The following CDH9 variants were observed in gnomAD, a reference collection of about 807,000 sequenced individuals.
CDH9 encodes the protein cadherin-9.
Under a neutral mutation model 70.9 loss-of-function variants are expected in CDH9, and 28 were observed. The ratio of observed to expected loss-of-function variants is 0.40; its 90% confidence interval spans 0.29 to 0.54. The LOEUF (loss-of-function observed/expected upper bound fraction) is 0.54. Ranked by LOEUF, CDH9 falls within the 20% of genes least tolerant of loss-of-function variation. CDH9 has a pLI of 0.59. For synonymous variants in CDH9, 409 were observed against 343.1 expected (o/e 1.19, Z -2.12); for missense variants, 874 against 984.4 (o/e 0.89, Z 1.50).
intron 1 of CDH9, among the ~76,000 whole-genome samples, chr5:27,036,147 C>T (rs187773914): frequency 1.3e-5 from 2 of 152,002 alleles, no homozygotes; most frequent in African/African-American, 2.4e-5. Flanking sequence ...GCATCTGCCT[C>T]ATATCACTAT....
intron 2 of CDH9, among the ~76,000 whole-genome samples, chr5:26,961,398 C>T (rs1579478955): frequency 1.3e-5 from 2 of 151,998 alleles, no homozygotes; most frequent in East Asian, 1.9e-4. Context: ...CCAACATCTC[C>T]CCAATCACCC....
intron 7 of CDH9, among the ~76,000 whole-genome samples, 173 bp downstream of exon 7, chr5:26,902,303 T>C (rs151325002): frequency 1.3e-5 from 2 of 152,082 alleles, no homozygotes; most frequent in East Asian, 3.9e-4. Flanking sequence ...GTATTATTAC[T>C]GTGCTTGATT....
At chr5:27,037,755 A>G (rs1263668083) in intron 1 of CDH9, among the ~76,000 whole-genome samples, 1 of 151,976 alleles carries the variant, frequency 6.6e-6, no homozygotes, top group Non-Finnish European at 1.5e-5. Context: ...GCTTTCATCT[A>G]TCTAGTCATC....
chr5:26,942,142 G>A (rs968206689), intron 2 of CDH9, among the ~76,000 whole-genome samples: 1 of 152,176 alleles, frequency 6.6e-6, no homozygotes, highest in African/African-American at 2.4e-5. Context: ...GGTGGAAGGG[G>A]AAGCAAACAC....
At chr5:26,903,561 C>CT (rs768539244) in intron 6 of CDH9, 76 bp downstream of exon 6, 14 of 944,520 alleles carry the variant, frequency 1.5e-5, no homozygotes, top group African/African-American at 6.4e-5. Context: ...AAATCCCAGG[C>CT]TTTTTTTCCC....
chr5:26,990,048 C>T (rs1232008616), intron 1 of CDH9, among the ~76,000 whole-genome samples: 1 of 152,138 alleles, frequency 6.6e-6, no homozygotes, highest in Non-Finnish European at 1.5e-5. Context: ...TTCAGACACA[C>T]AGACTTAAAC....
chr5:26,973,957 G>A (rs143678734), intron 2 of CDH9, among the ~76,000 whole-genome samples: 1 of 152,114 alleles, frequency 6.6e-6, no homozygotes, highest in Non-Finnish European at 1.5e-5. Flanking sequence ...AGAAAAGGCT[G>A]TCTATAGCTG....
intron 2 of CDH9, among the ~76,000 whole-genome samples, chr5:26,964,668 C>T (rs1185055171): frequency 2.0e-5 from 3 of 151,956 alleles, no homozygotes; most frequent in African/African-American, 7.2e-5. Flanking sequence ...TTCTGGGGTA[C>T]ATTTGGACAA....
intron 2 of CDH9, among the ~76,000 whole-genome samples, chr5:26,950,686 A>G (rs1020990844): frequency 3.9e-5 from 6 of 152,234 alleles, no homozygotes; most frequent in African/African-American, 1.2e-4. Context: ...ATAGAAAAAG[A>G]GATCAAATAA....
In CDH9 at chr5:26,993,668, A is replaced by G. The variant is rs981844282; in HGVS notation, c.-49-5286T>C. Among the ~76,000 whole-genome samples the G allele has an allele frequency of 2.2e-5, 3 of 138,636 alleles. No individual in the cohort carries two copies. The Admixed American group carries it at 2.2e-4, about 10-fold the overall frequency. The allele number at this position is 138,636 out of a possible 152,430, so 91.0% of individuals were successfully genotyped here. On this transcript the variant is annotated intron_variant, in intron 1 of 11. Transcript: ENST00000231021. The stretch of plus-strand genomic sequence containing the variant: ...AAGGCTGGTGGATTTCTTGGATTTT[A>G]TAGGCCAGCTCCCTACAGCTATTCA...
intron 2 of CDH9, among the ~76,000 whole-genome samples, chr5:26,986,563 G>A (rs1742491208): frequency 6.6e-6 from 1 of 152,036 alleles, no homozygotes; most frequent in Non-Finnish European, 1.5e-5. Context: ...ATAAATGCTT[G>A]CTGTAGCGCC....
chr5:26,970,229 A>C (rs932429042), intron 2 of CDH9, among the ~76,000 whole-genome samples: 3 of 151,916 alleles, frequency 2.0e-5, no homozygotes, highest in Admixed American at 6.6e-5. Context: ...TGCTTTTATG[A>C]AAGTGTCACC....
intron 8 of CDH9, among the ~76,000 whole-genome samples, chr5:26,890,197 G>A (rs866136918): frequency 6.6e-6 from 1 of 151,936 alleles, no homozygotes; most frequent in African/African-American, 2.4e-5. Context: ...ATTTTTATGA[G>A]GTTAAATTAT....
At chr5:27,002,436 A>C (rs372334053) in intron 1 of CDH9, among the ~76,000 whole-genome samples, 1 of 152,002 alleles carries the variant, frequency 6.6e-6, no homozygotes, top group East Asian at 1.9e-4. Context: ...ACCCAAAGGA[A>C]TATAAATCAT....
chr5:26,926,114 A>G lies in CDH9; in HGVS notation c.229-10190T>C, dbSNP rs541157018. ...CAGGGCAATCAGGCAAGATAAATAA[A>G]TAAAGCGTATTCAATTAGGAAAAGA... On this transcript the variant is annotated intron_variant, in intron 2 of 11. Transcript: ENST00000231021. Among the ~76,000 whole-genome samples, 30 of 152,292 alleles carry G rather than the reference A, an allele frequency of 2.0e-4. No individual in the cohort carries two copies. In the South Asian group the frequency reaches 6.2e-3, roughly 32 times the overall value.
chr5:27,014,255 G>A (rs1549643), intron 1 of CDH9, among the ~76,000 whole-genome samples: 79,105 of 151,726 alleles, frequency 0.52, 22,126 homozygotes, highest in African/African-American at 0.69. Context: ...CAAGCTTTTT[G>A]AAGCACTCCT....
chr5:27,022,158 T>A (rs903356238), intron 1 of CDH9, among the ~76,000 whole-genome samples: 13 of 152,182 alleles, frequency 8.5e-5, no homozygotes, highest in Middle Eastern at 3.4e-3. Flanking sequence ...AGAATTTTTT[T>A]AATACATAAA....
chr5:26,946,338 A>T (rs540704673), intron 2 of CDH9, among the ~76,000 whole-genome samples: 5 of 152,258 alleles, frequency 3.3e-5, no homozygotes, highest in African/African-American at 1.2e-4. Flanking sequence ...CTTGATATTG[A>T]GCCATGTTTC....
chr5:26,969,156 T>C (rs1019488568), intron 2 of CDH9, among the ~76,000 whole-genome samples: 2 of 152,236 alleles, frequency 1.3e-5, no homozygotes, highest in Admixed American at 1.3e-4. Flanking sequence ...AGGAGGTTCC[T>C]TTGTTATTAT....
Sources: gnomAD v4.1 joint callset for allele counts (sites outside exome capture counted in the v4.1 genomes callset) on GRCh38, gnomAD v4.1.1 for gene constraint, MANE v1.5 for transcripts, NCBI Gene and HGNC (gene_info 2026-07-23, HGNC 2026-07-21) for gene names.